PTPRK: variants seen among roughly 807,000 people sequenced by gnomAD.
PTPRK encodes receptor-type tyrosine-protein phosphatase kappa.
PTPRK carries 75 observed loss-of-function variants against 178.0 expected under a neutral mutation model. That is an observed-to-expected ratio of 0.42 (90% confidence interval 0.35 to 0.51). The LOEUF (loss-of-function observed/expected upper bound fraction) is 0.51, where lower values mean the gene tolerates loss of function less well. PTPRK is among the 20% of genes least tolerant of loss of function. The pLI, the probability that PTPRK is intolerant of heterozygous loss-of-function variation, is 0.02. For synonymous variants in PTPRK, 637 were observed against 620.6 expected, an observed-to-expected ratio of 1.03 and a Z score of -0.39; for missense variants, 1,441 against 1,797.8, an observed-to-expected ratio of 0.80 and a Z score of 3.59.
intron 24 of PTPRK, among the ~76,000 whole-genome samples, chr6:127,981,877 G>C (rs560736401): frequency 1.3e-5 from 2 of 152,164 alleles, no homozygotes; most frequent in Non-Finnish European, 2.9e-5. Flanking sequence ...GCCCAGGTTG[G>C]AGTGCAGTGG....
intron 3 of PTPRK, among the ~76,000 whole-genome samples, chr6:128,279,898 A>G (rs1278074037): frequency 2.0e-5 from 3 of 152,148 alleles, no homozygotes; most frequent in African/African-American, 7.2e-5. Context: ...TATAAATAAT[A>G]GTTGCCATCA....
intron 7 of PTPRK, among the ~76,000 whole-genome samples, chr6:128,120,031 G>A (rs936593741): frequency 5.3e-5 from 8 of 151,842 alleles, no homozygotes; most frequent in African/African-American, 1.9e-4. Context: ...GTATTCCATT[G>A]TAATCCAATG....
chr6:128,435,054 A>AGGAAGGC (rs1562514794), intron 1 of PTPRK, among the ~76,000 whole-genome samples: 22 of 58,876 alleles, frequency 3.7e-4, no homozygotes, highest in Non-Finnish European at 6.6e-4. Context: ...GGCAGGAAGG[A>AGGAAGGC]AGGAAGGAAG....
chr6:128,352,115 A>G lies in PTPRK; in HGVS notation c.224-29805T>C, dbSNP rs368527208. Among the ~76,000 whole-genome samples the G allele has an allele frequency of 6.4e-3, 968 of 151,898 alleles. 2 individuals are homozygous for G. Among genetic ancestry groups the G allele is most frequent in the Non-Finnish European group, 9.8e-3 (668 of 67,922 alleles). ...CCAAAAATACAAAAATTAGCCGGGCATGGTGGCGCACACCTGTAATCCCAG... is the reference window on the plus strand; with the variant it reads ...CCAAAAATACAAAAATTAGCCGGGCGTGGTGGCGCACACCTGTAATCCCAG... On this transcript the variant is annotated intron_variant, in intron 2 of 29. Transcript: ENST00000368226.
At chr6:128,506,650 A>G (rs1420039850) in intron 1 of PTPRK, among the ~76,000 whole-genome samples, 4 of 131,876 alleles carry the variant, frequency 3.0e-5, no homozygotes, top group Non-Finnish European at 4.7e-5. Flanking sequence ...ACAGAGTAAA[A>G]CTCTGTCTCA....
intron 18 of PTPRK, 40 bp downstream of exon 18, chr6:127,995,422 A>T (rs571204551): frequency 6.7e-7 from 1 of 1,490,500 alleles, no homozygotes; most frequent in South Asian, 1.2e-5. Context: ...CATATATATA[A>T]GCCAATAAAG....
At chr6:128,366,401 T>C (rs1835490687) in intron 2 of PTPRK, among the ~76,000 whole-genome samples, 1 of 152,174 alleles carries the variant, frequency 6.6e-6, no homozygotes, top group African/African-American at 2.4e-5. Context: ...GTTAAAGTTT[T>C]AATAATTTCC....
At chr6:128,419,037 CA>C (rs1843154901) in intron 1 of PTPRK, among the ~76,000 whole-genome samples, 1 of 152,164 alleles carries the variant, frequency 6.6e-6, no homozygotes, top group African/African-American at 2.4e-5. Context: ...GAGAAACCTC[CA>C]AATGTCTACA....
In PTPRK at chr6:128,510,805, G is replaced by A. The variant is rs149717341; in HGVS notation, c.100+9454C>T. Among the ~76,000 whole-genome samples the A allele has an allele frequency of 3.4e-4, 52 of 151,950 alleles. 1 individual carries two copies. In the East Asian group the frequency reaches 9.7e-3, roughly 28 times the overall value. On this transcript the variant is annotated intron_variant, in intron 1 of 29. Transcript: ENST00000368226. Reference sequence around the variant, plus strand: ...ATTGTTTCAGAAATTTGGAATACAAGCCAAAAATTTTTTAATCTTAAATAA... The same window carrying A: ...ATTGTTTCAGAAATTTGGAATACAAACCAAAAATTTTTTAATCTTAAATAA...
rs117056753 is a variant in PTPRK at position 128,030,942 on chromosome 6, T to C, written c.2195-21674A>G. Among the ~76,000 whole-genome samples the C allele has an allele frequency of 9.7e-3, 1,476 of 152,324 alleles. 13 individuals are homozygous for C. The highest frequency in any genetic ancestry group is 0.031 in the Middle Eastern group (9 of 294). The stretch of plus-strand genomic sequence containing the variant: ...ATTTTTTTCCCCAGCAAATATTTAT[T>C]AGACACTTACTAGGTTCAAAAATTA... On this transcript the variant is annotated intron_variant, in intron 13 of 29. Transcript: ENST00000368226.
chr6:128,304,571 C>T (rs1037487864), intron 3 of PTPRK, among the ~76,000 whole-genome samples: 18 of 152,134 alleles, frequency 1.2e-4, no homozygotes, highest in African/African-American at 4.3e-4. Context: ...TCTTATGAGT[C>T]TCTAAAATCT....
At chr6:128,082,087 G>T (rs1032761895) in intron 10 of PTPRK, among the ~76,000 whole-genome samples, 2 of 151,888 alleles carry the variant, frequency 1.3e-5, no homozygotes, top group African/African-American at 4.8e-5. Context: ...CCATTTTTTT[G>T]ATAACATTCA....
rs79802085 is a variant in PTPRK at position 128,089,964 on chromosome 6, C to T, written c.1191G>A (p.Lys397=). 2,605 of 1,609,156 alleles carry T rather than the reference C, an allele frequency of 1.6e-3. 51 individuals carry two copies. The East Asian group carries it at 0.043, about 27-fold the overall frequency. Residue 397 remains lysine, a synonymous_variant, in exon 8 of 30, where the codon AAG becomes AAA. Transcript: ENST00000368226. ...AEPMRTPKTL[K]IAEIQARRIA... ...TCCGTCTTGCCTGTATTTCAGCAAT[C>T]TTTAATGTCTTTGGGGTTCTCATAG... is the stretch of plus-strand genomic sequence containing the variant.
intron 2 of PTPRK, among the ~76,000 whole-genome samples, chr6:128,380,663 A>T (rs1837774507): frequency 6.6e-6 from 1 of 152,008 alleles, no homozygotes; most frequent in South Asian, 2.1e-4. Flanking sequence ...TTTGACATAC[A>T]AAGTAACTGA....
chr6:127,988,266 C>T (rs1362990795), intron 21 of PTPRK, among the ~76,000 whole-genome samples: 6 of 139,904 alleles, frequency 4.3e-5, no homozygotes, highest in African/African-American at 2.6e-5. Flanking sequence ...AGAATGCTAT[C>T]TTTATCTGAT....
At chr6:127,983,456 C>A in intron 22 of PTPRK, 79 bp from the exon 23 acceptor site, 3 of 1,457,590 alleles carry the variant, frequency 2.1e-6, no homozygotes, top group South Asian at 2.5e-5. Flanking sequence ...TTTCCACTGT[C>A]AGATAGGTAG....
intron 11 of PTPRK, among the ~76,000 whole-genome samples, chr6:128,068,401 C>T (rs1582835206): frequency 1.3e-5 from 2 of 152,154 alleles, no homozygotes; most frequent in African/African-American, 4.8e-5. Context: ...TCCTCACAAC[C>T]GAAATAGACC....
At chr6:127,999,025 G>T in intron 15 of PTPRK, 121 bp from the exon 16 acceptor site, 1 of 861,624 alleles carries the variant, frequency 1.2e-6, no homozygotes, top group African/African-American at 1.7e-5. Flanking sequence ...AGGAATTCTG[G>T]GAAAGAAATA....
At chr6:128,368,242 A>G (rs547360254) in intron 2 of PTPRK, among the ~76,000 whole-genome samples, 13 of 152,218 alleles carry the variant, frequency 8.5e-5, no homozygotes, top group African/African-American at 2.2e-4. Context: ...GAGAATATAA[A>G]CTGAAGGAGG....
Sources: allele counts gnomAD v4.1 joint callset (sites outside exome capture counted in the v4.1 genomes callset), GRCh38; gene constraint gnomAD v4.1.1; transcripts MANE v1.5; gene names NCBI Gene and HGNC (gene_info 2026-07-23, HGNC 2026-07-21).